The following SV2C variants were observed in gnomAD, a reference collection of about 807,000 sequenced individuals.
SV2C encodes solute carrier family 22 member B3.
In SV2C, 49 loss-of-function variants were observed where a neutral mutation model predicts 79.7. That is an observed-to-expected ratio of 0.61 (90% CI 0.49 to 0.78). SV2C has a LOEUF of 0.78. Among genes scored for constraint, SV2C ranks in the 30% least tolerant of loss-of-function variants. SV2C has a pLI of 0.00. For missense variants in SV2C, 833 were observed against 912.9 expected, an observed-to-expected ratio of 0.91 and a Z score of 1.13; for synonymous variants, 334 against 333.2, an observed-to-expected ratio of 1.00 and a Z score of -0.03.
Position 76,326,699 on chromosome 5 carries a change from A to T in SV2C, c.*1152A>T, listed in dbSNP as rs1036380024. On this transcript the variant is annotated 3_prime_UTR_variant, in exon 13 of 13. Transcript: ENST00000502798. ...GCTCAATGCGCTCCTGGCTCCCTGT[A>T]AAATCACAGCCCGCCTGCACTCCTG... is the stretch of plus-strand genomic sequence containing the variant. The T allele has an allele frequency of 2.0e-5, 3 of 152,538 alleles. No homozygotes were observed. Among genetic ancestry groups the T allele is most frequent in the Middle Eastern group, 3.4e-3 (1 of 296 alleles). 9.4% of individuals were successfully genotyped at this position (152,538 alleles called of 1,614,324 possible).
chr5:76,263,905 G>A (rs986284569), intron 4 of SV2C, among the ~76,000 whole-genome samples: 1 of 152,020 alleles, frequency 6.6e-6, no homozygotes, highest in African/African-American at 2.4e-5. Context: ...TTTGTGTCCT[G>A]GGGTTGCTGG....
intron 2 of SV2C, among the ~76,000 whole-genome samples, chr5:76,182,198 G>T (rs1743755120): frequency 6.6e-6 from 1 of 151,868 alleles, no homozygotes; most frequent in South Asian, 2.1e-4. Flanking sequence ...GCCCTATCCT[G>T]CCCTGTTCAC....
exon 13 of SV2C, chr5:76,353,312 G>A (rs1355712772): frequency 4.4e-6 from 1 of 226,092 alleles, no homozygotes; most frequent in Admixed American, 5.7e-5. Flanking sequence ...GTCTTGCTAA[G>A]AACTTAGTAG....
chr5:76,304,923 T>C (rs1748132666), intron 12 of SV2C, among the ~76,000 whole-genome samples: 1 of 152,194 alleles, frequency 6.6e-6, no homozygotes, highest in Admixed American at 6.5e-5. Context: ...AGAGGTTTAA[T>C]TGGCTCATGG....
chr5:76,247,437 G>A (rs1745978213), intron 4 of SV2C, among the ~76,000 whole-genome samples: 1 of 152,198 alleles, frequency 6.6e-6, no homozygotes, highest in South Asian at 2.1e-4. Context: ...CATATCTAGG[G>A]ATTGAAGTGG....
At chr5:75,885,977 G>C in the SV2C span, among the ~76,000 whole-genome samples, 4 of 152,126 alleles carry the variant, frequency 2.6e-5, no homozygotes, top group Non-Finnish European at 4.4e-5. Context: ...ACTCAGTTCC[G>C]TGGGGAGCTC....
chr5:75,916,561 G>A, the SV2C span, among the ~76,000 whole-genome samples: 1 of 151,810 alleles, frequency 6.6e-6, no homozygotes, highest in Non-Finnish European at 1.5e-5. Context: ...TGCAACCTCC[G>A]TCTCCCAGGT....
the SV2C span, among the ~76,000 whole-genome samples, chr5:75,867,322 T>A: frequency 1.3e-5 from 2 of 152,044 alleles, no homozygotes; most frequent in Admixed American, 1.3e-4. Context: ...TCAGAGCCAA[T>A]ACCCAACACA....
chr5:75,998,935 G>C, the SV2C span, among the ~76,000 whole-genome samples: 1 of 152,074 alleles, frequency 6.6e-6, no homozygotes, highest in African/African-American at 2.4e-5. Context: ...ACATACCCAA[G>C]ACTGATCAAT....
At chr5:76,092,568 C>T (rs1052953863) in intron 1 of SV2C, among the ~76,000 whole-genome samples, 2 of 152,148 alleles carry the variant, frequency 1.3e-5, no homozygotes, top group Non-Finnish European at 2.9e-5. Flanking sequence ...AGGATCGACC[C>T]CCATTCCTCC....
the SV2C span, among the ~76,000 whole-genome samples, chr5:76,035,347 G>T: frequency 0.82 from 124,269 of 151,962 alleles, 51,448 homozygotes; most frequent in African/African-American, 0.95. Flanking sequence ...GATGTTAGAG[G>T]GCAATTTTGG....
At chr5:76,262,912 T>C (rs1746525584) in intron 4 of SV2C, among the ~76,000 whole-genome samples, 1 of 152,186 alleles carries the variant, frequency 6.6e-6, no homozygotes, top group African/African-American at 2.4e-5. Flanking sequence ...ATTCTGTTGA[T>C]TTGGGGTGGA....
the SV2C span, among the ~76,000 whole-genome samples, chr5:75,976,786 C>T: frequency 0.012 from 1,756 of 152,104 alleles, 17 homozygotes; most frequent in Non-Finnish European, 0.017. Flanking sequence ...TCAATTGTTA[C>T]CTAGAAGGTA....
At chr5:75,995,419 A>G in the SV2C span, among the ~76,000 whole-genome samples, 1 of 152,118 alleles carries the variant, frequency 6.6e-6, no homozygotes, top group Non-Finnish European at 1.5e-5. Context: ...AGTATATTAT[A>G]TTGCTTCCTA....
the SV2C span, among the ~76,000 whole-genome samples, chr5:76,027,309 G>A: frequency 4.6e-5 from 7 of 151,890 alleles, no homozygotes; most frequent in African/African-American, 1.2e-4. Context: ...TGATCCACCC[G>A]CCTCAGCCTT....
chr5:75,858,252 G>C, the SV2C span, among the ~76,000 whole-genome samples: 9 of 152,086 alleles, frequency 5.9e-5, no homozygotes, highest in Non-Finnish European at 1.2e-4. Flanking sequence ...ATTGTATATG[G>C]CTTTTTTGTG....
At chr5:75,907,432 G>C in the SV2C span, among the ~76,000 whole-genome samples, 113 of 152,288 alleles carry the variant, frequency 7.4e-4, no homozygotes, top group East Asian at 0.015. Flanking sequence ...TGTCAGAGCT[G>C]CTACACTGTG....
At chr5:76,044,441 G>T in the SV2C span, among the ~76,000 whole-genome samples, 1 of 152,152 alleles carries the variant, frequency 6.6e-6, no homozygotes, top group Non-Finnish European at 1.5e-5. Flanking sequence ...TGGGATTGCT[G>T]GGTCAAATGG....
the SV2C span, among the ~76,000 whole-genome samples, chr5:75,876,669 AACG>A: frequency 6.6e-6 from 1 of 152,104 alleles, no homozygotes; most frequent in Admixed American, 6.6e-5. Context: ...GCATAACAAT[AACG>A]TCATAAAGAG....
Sources: allele counts gnomAD v4.1 joint callset (sites outside exome capture counted in the v4.1 genomes callset), GRCh38; gene constraint gnomAD v4.1.1; transcripts MANE v1.5; gene names NCBI Gene and HGNC (gene_info 2026-07-23, HGNC 2026-07-21).